The following MECOM variants were observed in gnomAD, a reference collection of about 807,000 sequenced individuals.
MECOM encodes the protein histone-lysine N-methyltransferase MECOM.
MECOM carries 13 observed loss-of-function variants against 116.3 expected under a neutral mutation model. That is an observed-to-expected ratio of 0.11 (90% CI 0.07 to 0.18). MECOM has a LOEUF of 0.18. Ranked by LOEUF, MECOM falls within the 10% of genes least tolerant of loss-of-function variation. The probability of loss-of-function intolerance (pLI) is 1.00; values close to 1 mark genes in which losing one functional copy is unlikely to be tolerated. For missense variants in MECOM, 1,299 were observed against 1,509.0 expected (o/e 0.86, Z 2.31); for synonymous variants, 528 against 535.2 (o/e 0.99, Z 0.19).
chr3:169,649,852 C>T (rs1358262364), intron 1 of MECOM, among the ~76,000 whole-genome samples: 2 of 152,140 alleles, frequency 1.3e-5, no homozygotes, highest in Non-Finnish European at 2.9e-5. Flanking sequence ...TTGAATGGTA[C>T]CTTTTCAAAT....
chr3:169,378,452 G>GAAAGAAAGAAAGAAAGAAA (rs1491467574), intron 2 of MECOM, among the ~76,000 whole-genome samples: 1 of 64,552 alleles, frequency 1.5e-5, no homozygotes, highest in Non-Finnish European at 3.0e-5. Flanking sequence ...AAAGAAAGAA[G>GAAAGAAAGAAAGAAAGAAA]GAAAGCAAGC....
chr3:169,095,386 A>G lies in MECOM; in HGVS notation c.2850-141T>C, dbSNP rs1721143434. ...GCACAGGGAGAATACTATTCACACA[A>G]TTAAGATTTCAATTCCAATATACTC... On this transcript the variant is annotated intron_variant, in intron 12 of 16. Transcript: ENST00000651503. 5.0e-6 allele frequency: 3 copies of G among 600,860 alleles called. No homozygotes were observed. In the South Asian group the frequency reaches 9.6e-5, roughly 19 times the overall value. 37.2% of individuals were successfully genotyped at this position (600,860 alleles called of 1,614,324 possible).
At chr3:169,473,423 A>G (rs1161249729) in intron 1 of MECOM, among the ~76,000 whole-genome samples, 2 of 152,200 alleles carry the variant, frequency 1.3e-5, no homozygotes. Flanking sequence ...GAACATTAAG[A>G]AGTCACTACT....
At chr3:169,378,478 A>C (rs11715190) in intron 2 of MECOM, among the ~76,000 whole-genome samples, 8,552 of 47,842 alleles carry the variant, frequency 0.18, 1,769 homozygotes, top group African/African-American at 0.27. Flanking sequence ...AGCAAGCAAG[A>C]AAGAGAGAGA....
In MECOM at chr3:169,370,284, T is replaced by C. The variant is rs1386520075; in HGVS notation, c.375+10903A>G. Among the ~76,000 whole-genome samples, 4 of 152,084 alleles carry C rather than the reference T, an allele frequency of 2.6e-5. No homozygotes were observed. In the East Asian group the frequency reaches 7.8e-4, roughly 30 times the overall value. On this transcript the variant is annotated intron_variant, in intron 2 of 16. Transcript: ENST00000651503. ...CACACAATGGAGAAAGGGTAGTCTC[T>C]TCAATAAATGGTGCTGAGAAAACTG...
At chr3:169,608,330 G>A (rs1040919524) in intron 1 of MECOM, among the ~76,000 whole-genome samples, 1 of 152,172 alleles carries the variant, frequency 6.6e-6, no homozygotes, top group Non-Finnish European at 1.5e-5. Flanking sequence ...ATACCCCTAT[G>A]AGCATCCCTA....
chr3:169,367,716 G>T (rs1729421768), intron 2 of MECOM, among the ~76,000 whole-genome samples: 1 of 152,028 alleles, frequency 6.6e-6, no homozygotes, highest in Admixed American at 6.6e-5. Context: ...GGGTCTGAAA[G>T]CTGGTGGAAT....
At chr3:169,283,207 A>G (rs1192925447) in intron 2 of MECOM, among the ~76,000 whole-genome samples, 1 of 152,154 alleles carries the variant, frequency 6.6e-6, no homozygotes, top group African/African-American at 2.4e-5. Flanking sequence ...GAATACACTT[A>G]TTACAAAAAA....
In MECOM at chr3:169,649,378, C is replaced by T. The variant is rs562970137; in HGVS notation, c.37+13958G>A. On this transcript the variant is annotated intron_variant, in intron 1 of 16. Transcript: ENST00000651503. Reference sequence around the variant, plus strand: ...GAGCCAAGATCACGCCATTGCACTCCAGCCTGGGCGGCAAGAGCGAAACTC... The same window carrying T: ...GAGCCAAGATCACGCCATTGCACTCTAGCCTGGGCGGCAAGAGCGAAACTC... 6.5e-5 allele frequency among the ~76,000 whole-genome samples: 8 copies of T among 122,298 alleles called. 1 individual carries two copies. The South Asian group carries it at 2.1e-3, about 31-fold the overall frequency. The allele number at this position is 122,298 out of a possible 152,430, so 80.2% of individuals were successfully genotyped here.
intron 1 of MECOM, among the ~76,000 whole-genome samples, chr3:169,579,443 T>A (rs1764865320): frequency 6.6e-6 from 1 of 152,080 alleles, no homozygotes; most frequent in African/African-American, 2.4e-5. Flanking sequence ...GTGATTAGAG[T>A]TAGGAAACAG....
At chr3:169,657,393 G>A (rs1465449011) in intron 1 of MECOM, among the ~76,000 whole-genome samples, 2 of 152,166 alleles carry the variant, frequency 1.3e-5, no homozygotes, top group South Asian at 2.1e-4. Context: ...AGATCTGTTT[G>A]TTTATTTTTT....
chr3:169,149,820 C>A, intron 2 of MECOM: 1 of 374,530 alleles, frequency 2.7e-6, no homozygotes, highest in Non-Finnish European at 5.4e-6. Flanking sequence ...TTATCGTCAT[C>A]ATCAGTCTTG....
chr3:169,442,851 T>C (rs1436709054), intron 1 of MECOM, among the ~76,000 whole-genome samples: 1 of 152,142 alleles, frequency 6.6e-6, no homozygotes, highest in Non-Finnish European at 1.5e-5. Context: ...GAATACAGAA[T>C]TGGTCAAATG....
chr3:169,397,482 G>T (rs1735194057), intron 1 of MECOM, among the ~76,000 whole-genome samples: 1 of 152,160 alleles, frequency 6.6e-6, no homozygotes, highest in African/African-American at 2.4e-5. Context: ...TCTTGGATAA[G>T]GCAGTTCAAT....
chr3:169,461,634 A>G (rs1245543665), intron 1 of MECOM, among the ~76,000 whole-genome samples: 1 of 152,174 alleles, frequency 6.6e-6, no homozygotes, highest in African/African-American at 2.4e-5. Flanking sequence ...CAACAATAGA[A>G]CAACACAAAC....
At chr3:169,485,241 C>G (rs547609906) in intron 1 of MECOM, among the ~76,000 whole-genome samples, 2 of 152,032 alleles carry the variant, frequency 1.3e-5, no homozygotes, top group African/African-American at 4.8e-5. Flanking sequence ...GTGATCTAAC[C>G]GCCTCGGCCT....
chr3:169,348,524 CT>C (rs1382242415), intron 2 of MECOM, among the ~76,000 whole-genome samples: 1 of 151,918 alleles, frequency 6.6e-6, no homozygotes, highest in African/African-American at 2.4e-5. Flanking sequence ...ATACTCACAC[CT>C]TTTCATGGGA....
intron 15 of MECOM, 74 bp from the exon 16 acceptor site, chr3:169,089,257 C>T (rs1718880525): frequency 8.7e-7 from 1 of 1,144,642 alleles, no homozygotes. Flanking sequence ...TCATTTGAAT[C>T]TATCTATACA....
intron 2 of MECOM, among the ~76,000 whole-genome samples, chr3:169,287,117 C>T (rs768653549): frequency 1.3e-5 from 2 of 152,130 alleles, no homozygotes; most frequent in Non-Finnish European, 2.9e-5. Context: ...CTATTTCATT[C>T]GACCCTTTCT....
Sources: allele counts gnomAD v4.1 joint callset (sites outside exome capture counted in the v4.1 genomes callset), GRCh38; gene constraint gnomAD v4.1.1; transcripts MANE v1.5; gene names NCBI Gene and HGNC (gene_info 2026-07-23, HGNC 2026-07-21).